AGO4: variants seen among roughly 807,000 people sequenced by gnomAD.
AGO4 encodes the protein argonaute RISC component 4, also known as protein argonaute-4.
AGO4 carries 33 observed loss-of-function variants against 104.7 expected under a neutral mutation model. The observed-to-expected ratio is 0.32, with a 90% CI of 0.24 to 0.42. The LOEUF (loss-of-function observed/expected upper bound fraction) is 0.42. Ranked by LOEUF, AGO4 falls within the 10% of genes least tolerant of loss-of-function variation. The pLI is 1.00. For missense variants in AGO4, 711 were observed against 1,083.4 expected (o/e 0.66, Z 4.83); for synonymous variants, 331 against 364.7 (o/e 0.91, Z 1.05).
chr1:35,848,925 G>A (rs1255502428), intron 15 of AGO4, among the ~76,000 whole-genome samples: 1 of 152,154 alleles, frequency 6.6e-6, no homozygotes, highest in Non-Finnish European at 1.5e-5. Context: ...GCATTTGATG[G>A]AAGGAGATTT....
Position 35,822,915 on chromosome 1 carries a change from G to A in AGO4, c.239G>A (p.Arg80Gln), listed in dbSNP as rs368810209. The A allele has an allele frequency of 5.0e-6, 8 of 1,613,920 alleles. No individual in the cohort carries two copies. The highest frequency in any genetic ancestry group is 4.5e-5 in the East Asian group (2 of 44,886). ...TTCAAGATGCAAATATTTGGTGATCGGCAGCCTGGGTATGATGGCAAAAGA... is the reference window on the plus strand; with the variant it reads ...TTCAAGATGCAAATATTTGGTGATCAGCAGCCTGGGTATGATGGCAAAAGA... Reference protein sequence around the residue: ...RHFKMQIFGDRQPGYDGKRNM... With the variant: ...RHFKMQIFGDQQPGYDGKRNM... The change falls in exon 3 of 18, where the codon CGG (arginine) becomes CAG (glutamine). Residue 80 changes from arginine to glutamine, a missense_variant. Arg to Gln is a conservative substitution (Grantham distance 43, BLOSUM62 1). This residue lies in a region of AGO4 where 308 missense variants were observed against 397.8 expected (regional missense o/e 0.77). Coordinates refer to ENST00000373210, the MANE Select transcript of AGO4 (RefSeq NM_017629.4).
Position 35,841,759 on chromosome 1 carries a change from A to C in AGO4, c.2175+9A>C. On this transcript the variant is annotated intron_variant, in intron 15 of 17. Coordinates refer to ENST00000373210, the MANE Select transcript of AGO4 (RefSeq NM_017629.4). The surrounding 1 kb of genome is among the most constrained non-coding windows in gnomAD (Gnocchi z 4.7). ...CAGATAAAACAGAAAGGGTAAGAAG[A>C]TATAATATAAGCTTTGTTATCTGAG... 6.2e-7 allele frequency: 1 copy of C among 1,611,328 alleles called. No individual in the cohort carries two copies. Among genetic ancestry groups the C allele is most frequent in the Non-Finnish European group, 8.5e-7 (1 of 1,178,544 alleles).
rs529345570 is a variant in AGO4, at chr1:35,857,046, A to G, written c.*3441A>G. ...GATGATTTTCAAGCAGACATGTTCT[A>G]TATGGTCTGTGTTTTAGGATCTGGT... On this transcript the variant is annotated 3_prime_UTR_variant, in exon 18 of 18. Coordinates refer to ENST00000373210, the MANE Select transcript of AGO4 (RefSeq NM_017629.4). 6 of 152,314 alleles carry G rather than the reference A, an allele frequency of 3.9e-5. No homozygotes were observed. Among genetic ancestry groups the G allele is most frequent in the South Asian group, 2.1e-4 (1 of 4,830 alleles). 9.4% of individuals were successfully genotyped at this position (152,314 alleles called of 1,614,324 possible).
intron 1 of AGO4, among the ~76,000 whole-genome samples, chr1:35,815,358 C>T (rs1643657544): frequency 6.6e-6 from 1 of 152,112 alleles, no homozygotes; most frequent in Non-Finnish European, 1.5e-5. Context: ...TTGATATTGT[C>T]ATCAAAAAGG....
Position 35,831,836 on chromosome 1 carries a change from C to A in AGO4, c.1021C>A (p.Arg341=), listed in dbSNP as rs995443152. 6.2e-7 allele frequency: 1 copy of A among 1,613,830 alleles called. No individual in the cohort carries two copies. The highest frequency in any genetic ancestry group is 1.3e-5 in the African/African-American group (1 of 74,876). The change falls in exon 9 of 18, where the codon CGA becomes AGA. Residue 341 remains arginine (R), a synonymous_variant. Transcript: ENST00000373210. The part of the protein sequence containing the change: ...LEVCNIVAGQ[R]CIKKLTDNQT... Reference sequence around the variant, plus strand: ...GGTCTGTAATATAGTGGCAGGACAGCGATGTATCAAGAAGCTCACAGACAA... The same window carrying A: ...GGTCTGTAATATAGTGGCAGGACAGAGATGTATCAAGAAGCTCACAGACAA...
chr1:35,813,244 C>T (rs1157762870), intron 1 of AGO4, among the ~76,000 whole-genome samples: 1 of 151,442 alleles, frequency 6.6e-6, no homozygotes, highest in African/African-American at 2.4e-5. Flanking sequence ...CCTGTCTCTA[C>T]TAAAAATACA....
At chr1:35,838,488 A>G (rs1257681547) in intron 13 of AGO4, among the ~76,000 whole-genome samples, 2 of 152,222 alleles carry the variant, frequency 1.3e-5, no homozygotes, top group Non-Finnish European at 2.9e-5. Context: ...TGCCTGGTCA[A>G]CAGTGGCTTT....
intron 7 of AGO4, among the ~76,000 whole-genome samples, chr1:35,827,322 C>T (rs953901157): frequency 1.3e-5 from 2 of 152,164 alleles, no homozygotes; most frequent in South Asian, 2.1e-4. Context: ...GCGTTCGAGA[C>T]CAGCCTGGCC....
At position 35,854,843 on chromosome 1, in the gene AGO4, C is replaced by G. The variant is rs1644784649; in HGVS notation, c.*1238C>G. The G allele has an allele frequency of 1.3e-5, 2 of 152,618 alleles. No homozygotes were observed. The highest frequency in any genetic ancestry group is 1.3e-4 in the Admixed American group (2 of 15,274). 9.5% of individuals were successfully genotyped at this position (152,618 alleles called of 1,614,324 possible). A position where few individuals can be genotyped will look rare whatever the true frequency, so the allele number is the denominator to read the frequency against. On this transcript the variant is annotated 3_prime_UTR_variant, in exon 18 of 18. Transcript: ENST00000373210. ...TCAAGGTAACTCACACGACTACTTG[C>G]AGTACAAATTTTTTGCTTCTCTTTC...
Position 35,831,525 on chromosome 1 carries a change from C to T in AGO4, c.947C>T (p.Pro316Leu), listed in dbSNP as rs1273784609. 6.2e-7 allele frequency: 1 copy of T among 1,613,954 alleles called. No homozygotes were observed. The highest frequency in any genetic ancestry group is 8.5e-7 in the Non-Finnish European group (1 of 1,180,006). The stretch of plus-strand genomic sequence containing the variant: ...CTGCAACTGAAATACCCCCATCTTC[C>T]CTGTCTCCAAGTGGGACAAGAACAA... ...YSLQLKYPHLPCLQVGQEQKH... is the reference protein window; with the variant it reads ...YSLQLKYPHLLCLQVGQEQKH... The change falls in exon 8 of 18, where the codon CCC (proline) becomes CTC (leucine). Residue 316 changes from proline to leucine, a missense_variant. Physicochemically the swap from Pro to Leu is moderately conservative, Grantham distance 98. Coordinates refer to ENST00000373210, the MANE Select transcript of AGO4 (RefSeq NM_017629.4).
upstream of AGO4, among the ~76,000 whole-genome samples, chr1:35,808,001 T>C (rs1006921027): frequency 6.6e-5 from 10 of 150,792 alleles, no homozygotes; most frequent in African/African-American, 2.4e-4. This position sits in a 1 kb window ranked among gnomAD's most constrained non-coding sequence, Gnocchi z 5.2. Flanking sequence ...CTCTGCACCC[T>C]CCGGGCGCGC....
chr1:35,810,380 A>G (rs1643461624), intron 1 of AGO4, among the ~76,000 whole-genome samples: 1 of 152,158 alleles, frequency 6.6e-6, no homozygotes, highest in African/African-American at 2.4e-5. Flanking sequence ...ACCTGGATCT[A>G]GTGCTTTGTG....
intron 2 of AGO4, among the ~76,000 whole-genome samples, chr1:35,820,869 A>C (rs1171912834): frequency 6.6e-6 from 1 of 152,204 alleles, no homozygotes. Flanking sequence ...CTGTATAAAT[A>C]AATAAATACT....
intron 6 of AGO4, 37 bp downstream of exon 6, chr1:35,826,097 C>T: frequency 6.2e-7 from 1 of 1,608,722 alleles, no homozygotes; most frequent in South Asian, 1.1e-5. Flanking sequence ...GGAGAAGCAG[C>T]TCAGCATGCT....
Position 35,814,006 on chromosome 1 carries a change from C to T in AGO4, c.20-2876C>T, listed in dbSNP as rs530166504. ...AGGAGAATCTCTTGAACCCGGGAGGCGGAGGTTGCAGTAAGCCGAGATCGC... is the reference window on the plus strand; with the variant it reads ...AGGAGAATCTCTTGAACCCGGGAGGTGGAGGTTGCAGTAAGCCGAGATCGC... On this transcript the variant is annotated intron_variant, in intron 1 of 17. Transcript: ENST00000373210. Among the ~76,000 whole-genome samples, 490 of 147,728 alleles carry T rather than the reference C, an allele frequency of 3.3e-3. 2 individuals carry two copies. The highest frequency in any genetic ancestry group is 0.012 in the African/African-American group (467 of 39,912).
intron 7 of AGO4, among the ~76,000 whole-genome samples, chr1:35,829,322 A>G (rs1213810000): frequency 1.3e-5 from 2 of 152,230 alleles, no homozygotes; most frequent in Middle Eastern, 3.4e-3. Context: ...AAAAAAAAAA[A>G]AAAGTTACCA....
intron 15 of AGO4, among the ~76,000 whole-genome samples, chr1:35,843,962 T>C (rs1644508425): frequency 6.6e-6 from 1 of 152,358 alleles, no homozygotes; most frequent in Admixed American, 6.5e-5. Flanking sequence ...TCTCTAAGCA[T>C]GCCTCTTGCC....
At chr1:35,817,901 C>T (rs150928745) in intron 2 of AGO4, among the ~76,000 whole-genome samples, 3 of 152,196 alleles carry the variant, frequency 2.0e-5, no homozygotes, top group Non-Finnish European at 2.9e-5. Flanking sequence ...ATCCATCCAA[C>T]GAATATTTTA....
At chr1:35,829,342 G>C (rs1571280582) in intron 7 of AGO4, among the ~76,000 whole-genome samples, 1 of 149,754 alleles carries the variant, frequency 6.7e-6, no homozygotes, top group Non-Finnish European at 1.5e-5. Flanking sequence ...AAAACCTTAT[G>C]AAGTCACTGT....
Sources: allele counts gnomAD v4.1 joint callset (sites outside exome capture counted in the v4.1 genomes callset), GRCh38; gene constraint gnomAD v4.1.1; regional missense constraint gnomAD v4.1.1; non-coding constraint Gnocchi (gnomAD v3.1); transcripts MANE v1.5; gene names NCBI Gene and HGNC (gene_info 2026-07-23, HGNC 2026-07-21).